GALNTL6: variants seen among roughly 807,000 people sequenced by gnomAD.
GALNTL6 encodes polypeptide N-acetylgalactosaminyltransferase-like 6.
GALNTL6 carries 46 observed loss-of-function variants against 73.7 expected under a neutral mutation model. The observed-to-expected ratio is 0.62, with a 90% CI of 0.49 to 0.80. The LOEUF (loss-of-function observed/expected upper bound fraction) is 0.80. Ranked by LOEUF, GALNTL6 falls within the 30% of genes least tolerant of loss-of-function variation. GALNTL6 has a pLI of 0.00. For synonymous variants in GALNTL6, 259 were observed against 263.7 expected, an observed-to-expected ratio of 0.98 and a Z score of 0.17; for missense variants, 604 against 755.0, an observed-to-expected ratio of 0.80 and a Z score of 2.34.
intron 5 of GALNTL6, among the ~76,000 whole-genome samples, chr4:172,364,812 T>C (rs988129): frequency 0.96 from 146,070 of 152,272 alleles, 70,333 homozygotes; most frequent in East Asian, 1. Flanking sequence ...GTAAGACAGA[T>C]TTGCTAGGTA....
chr4:172,771,492 G>T (rs1738756843), intron 5 of GALNTL6, among the ~76,000 whole-genome samples: 1 of 152,142 alleles, frequency 6.6e-6, no homozygotes, highest in Non-Finnish European at 1.5e-5. Flanking sequence ...AATTCATTTT[G>T]AATCCTTTTG....
intron 3 of GALNTL6, among the ~76,000 whole-genome samples, chr4:172,264,728 C>T (rs906232785): frequency 1.3e-5 from 2 of 149,464 alleles, no homozygotes; most frequent in African/African-American, 4.9e-5. Context: ...TATATGGCTT[C>T]ACATCATTTA....
intron 5 of GALNTL6, among the ~76,000 whole-genome samples, chr4:172,803,063 C>T (rs1740746040): frequency 6.6e-6 from 1 of 152,186 alleles, no homozygotes; most frequent in Non-Finnish European, 1.5e-5. Context: ...GGCCTGGTTA[C>T]AGATTGTACC....
chr4:173,040,774 G>A lies in GALNTL6; in HGVS notation c.*674G>A, dbSNP rs1160958003. On this transcript the variant is annotated 3_prime_UTR_variant, in exon 13 of 13. Coordinates refer to ENST00000506823, the MANE Select transcript of GALNTL6 (RefSeq NM_001034845.3). Reference sequence around the variant, plus strand: ...TTTCAGAGCAAAGTTTCTTTTTTATGAAAGTTCATGCTCCATGAATCCACT... The same window carrying A: ...TTTCAGAGCAAAGTTTCTTTTTTATAAAAGTTCATGCTCCATGAATCCACT... The A allele has an allele frequency of 1.3e-5, 2 of 151,680 alleles. No individual in the cohort carries two copies. The highest frequency in any genetic ancestry group is 2.9e-5 in the Non-Finnish European group (2 of 67,892). 9.4% of individuals were successfully genotyped at this position (151,680 alleles called of 1,614,324 possible).
intron 2 of GALNTL6, among the ~76,000 whole-genome samples, chr4:172,011,650 T>G (rs565143804): frequency 6.6e-6 from 1 of 152,152 alleles, no homozygotes; most frequent in South Asian, 2.1e-4. Flanking sequence ...TCCTATATTA[T>G]TTTTCCCTTA....
chr4:172,894,385 T>C (rs1170877854), intron 8 of GALNTL6, among the ~76,000 whole-genome samples: 1 of 152,198 alleles, frequency 6.6e-6, no homozygotes, highest in African/African-American at 2.4e-5. Context: ...CCATATATTC[T>C]GGTGTGTTGT....
chr4:172,888,862 A>G (rs1174160634), intron 8 of GALNTL6, among the ~76,000 whole-genome samples: 1 of 152,196 alleles, frequency 6.6e-6, no homozygotes, highest in African/African-American at 2.4e-5. Context: ...TATGACTATT[A>G]TAACAATATC....
At chr4:172,769,092 T>G (rs1157003391) in intron 5 of GALNTL6, among the ~76,000 whole-genome samples, 1 of 152,084 alleles carries the variant, frequency 6.6e-6, no homozygotes, top group African/African-American at 2.4e-5. Flanking sequence ...TTTTAAACTA[T>G]AAGTATTTTC....
chr4:171,940,870 A>G (rs1314203449), intron 2 of GALNTL6, among the ~76,000 whole-genome samples: 1 of 145,458 alleles, frequency 6.9e-6, no homozygotes, highest in Non-Finnish European at 1.5e-5. Flanking sequence ...TAAATATATA[A>G]GTCATGTATG....
intron 2 of GALNTL6, among the ~76,000 whole-genome samples, chr4:172,158,818 CAT>C (rs929021539): frequency 2.6e-4 from 40 of 152,078 alleles, no homozygotes; most frequent in African/African-American, 8.0e-4. Flanking sequence ...AGCTATGAAA[CAT>C]AGAATTATTT....
At chr4:172,359,382 T>G (rs1053371626) in intron 5 of GALNTL6, among the ~76,000 whole-genome samples, 1 of 151,904 alleles carries the variant, frequency 6.6e-6, no homozygotes, top group African/African-American at 2.4e-5. Flanking sequence ...AGGGACAGGA[T>G]AAGAAAAAAT....
chr4:172,429,180 TTTATTTTATTTTATA>T lies in GALNTL6; in HGVS notation c.553+80506_553+80520del, dbSNP rs1331295581. Among the ~76,000 whole-genome samples, 1,048 of 135,736 alleles carry T rather than the reference TTTATTTTATTTTATA, an allele frequency of 7.7e-3. 11 individuals carry two copies. The highest frequency in any genetic ancestry group is 0.028 in the African/African-American group (968 of 34,696). The allele number at this position is 135,736 out of a possible 152,430, so 89.0% of individuals were successfully genotyped here. ...TCTTTATTTTATTTTGTTTTATTAT[TTTATTTTATTTTATA>T]TTATTTTATTTTATTTTATTTTATT... On this transcript the variant is annotated intron_variant, in intron 5 of 12. Coordinates refer to ENST00000506823, the MANE Select transcript of GALNTL6 (RefSeq NM_001034845.3).
At chr4:172,041,410 A>T (rs900591082) in intron 2 of GALNTL6, among the ~76,000 whole-genome samples, 41 of 152,210 alleles carry the variant, frequency 2.7e-4, no homozygotes, top group African/African-American at 8.7e-4. Context: ...GAATATTTTA[A>T]AACATATTTA....
chr4:172,201,194 G>C (rs1451709925), intron 2 of GALNTL6, among the ~76,000 whole-genome samples: 1 of 147,624 alleles, frequency 6.8e-6, no homozygotes, highest in Non-Finnish European at 1.5e-5. Flanking sequence ...TTTTTGGTTT[G>C]TTTGTTATTG....
intron 2 of GALNTL6, among the ~76,000 whole-genome samples, chr4:171,833,609 A>G (rs1425137966): frequency 6.6e-6 from 1 of 151,686 alleles, no homozygotes; most frequent in Non-Finnish European, 1.5e-5. Context: ...ACTATGGTAA[A>G]AAGAAATTTT....
chr4:173,015,090 T>G (rs1752722324), intron 11 of GALNTL6, among the ~76,000 whole-genome samples: 1 of 152,202 alleles, frequency 6.6e-6, no homozygotes, highest in African/African-American at 2.4e-5. Context: ...TGCCGCCATG[T>G]GACGATGGAT....
rs190564505 is a variant in GALNTL6 at position 171,997,625 on chromosome 4, T to C, written c.138+182907T>C. Among the ~76,000 whole-genome samples the C allele has an allele frequency of 6.4e-3, 968 of 152,224 alleles. 4 individuals carry two copies. The highest frequency in any genetic ancestry group is 0.011 in the Non-Finnish European group (728 of 68,000). On this transcript the variant is annotated intron_variant, in intron 2 of 12. Coordinates refer to ENST00000506823, the MANE Select transcript of GALNTL6 (RefSeq NM_001034845.3). Reference sequence around the variant, plus strand: ...GTATGGATACTCAAAGCATCATCCATAAAGTTTTAAAAAATCATTAAGTCA... The same window carrying C: ...GTATGGATACTCAAAGCATCATCCACAAAGTTTTAAAAAATCATTAAGTCA...
intron 2 of GALNTL6, among the ~76,000 whole-genome samples, chr4:172,214,350 T>C (rs1736425926): frequency 6.6e-6 from 1 of 152,154 alleles, no homozygotes; most frequent in Admixed American, 6.6e-5. Flanking sequence ...GGATTTTAGG[T>C]AGGATTCCAT....
intron 5 of GALNTL6, among the ~76,000 whole-genome samples, chr4:172,569,956 A>G (rs895695263): frequency 6.6e-6 from 1 of 152,230 alleles, no homozygotes; most frequent in African/African-American, 2.4e-5. Context: ...GATGTGAATA[A>G]TATAGTACCA....
Sources: allele counts gnomAD v4.1 joint callset (sites outside exome capture counted in the v4.1 genomes callset), GRCh38; gene constraint gnomAD v4.1.1; transcripts MANE v1.5; gene names NCBI Gene and HGNC (gene_info 2026-07-23, HGNC 2026-07-21).